KLRG1: variants seen among roughly 807,000 people sequenced by gnomAD.
KLRG1 encodes killer cell lectin-like receptor subfamily G member 1.
KLRG1 carries 16 observed loss-of-function variants against 21.8 expected under a neutral mutation model. The observed-to-expected ratio is 0.73, with a 90% CI of 0.50 to 1.11. The LOEUF (loss-of-function observed/expected upper bound fraction) is 1.11. Ranked by LOEUF, KLRG1 falls within the 50% of genes most tolerant of loss-of-function variation. The pLI is 0.00. For missense variants in KLRG1, 173 were observed against 218.3 expected, an observed-to-expected ratio of 0.79 and a Z score of 1.31; for synonymous variants, 69 against 75.9, an observed-to-expected ratio of 0.91 and a Z score of 0.47.
At chr12:9,176,327 A>G in the KLRG1 span, among the ~76,000 whole-genome samples, 1 of 152,168 alleles carries the variant, frequency 6.6e-6, no homozygotes, top group Non-Finnish European at 1.5e-5. Flanking sequence ...GAGAGCATCA[A>G]GAAGAATAAC....
chr12:9,008,572 CCAA>C (rs375025057), intron 3 of KLRG1, among the ~76,000 whole-genome samples: 4 of 151,580 alleles, frequency 2.6e-5, no homozygotes, highest in African/African-American at 9.8e-5. Flanking sequence ...GCTGGAAAAT[CCAA>C]CATCAAGGTT....
At chr12:9,092,698 T>C in the KLRG1 span, among the ~76,000 whole-genome samples, 2 of 152,310 alleles carry the variant, frequency 1.3e-5, no homozygotes, top group African/African-American at 4.8e-5. Flanking sequence ...TGGAAAACAG[T>C]ATGGAGATAC....
At chr12:9,044,331 A>G in the KLRG1 span, among the ~76,000 whole-genome samples, 2,137 of 152,312 alleles carry the variant, frequency 0.014, 18 homozygotes, top group Non-Finnish European at 0.02. Flanking sequence ...CAAAGAAGGA[A>G]AAGTTTAAAC....
chr12:9,076,888 T>C, the KLRG1 span: 1 of 1,611,078 alleles, frequency 6.2e-7, no homozygotes, highest in Non-Finnish European at 8.5e-7. Flanking sequence ...TCTTGTGCTG[T>C]CTTCCAGGCT....
chr12:9,200,304 A>G, the KLRG1 span: 1 of 1,194,168 alleles, frequency 8.4e-7, no homozygotes, highest in Non-Finnish European at 1.2e-6. Flanking sequence ...TTTTGTACCT[A>G]CATAATCCCT....
the KLRG1 span, among the ~76,000 whole-genome samples, chr12:9,033,309 G>A: frequency 6.6e-6 from 1 of 152,122 alleles, no homozygotes; most frequent in Non-Finnish European, 1.5e-5. Context: ...GCTGGGCAAG[G>A]TGGTTTATAT....
At position 8,969,442 on chromosome 12, in the gene KLRG1, A is replaced by T. The variant is rs146295898; in HGVS notation, c.-156+19206A>T. On this transcript the variant is annotated intron_variant, in intron 1 of 4. Coordinates refer to the KLRG1 transcript ENST00000539240. ...AGTGTCATGGATTTGAGGGCATTCC[A>T]GCTCTGAGGTTGCAGGCTTCTCCTT... 4.3e-4 allele frequency among the ~76,000 whole-genome samples: 66 copies of T among 152,200 alleles called. 1 individual carries two copies. Among genetic ancestry groups the T allele is most frequent in the Middle Eastern group, 3.4e-3 (1 of 294 alleles).
At chr12:9,053,645 C>T in the KLRG1 span, among the ~76,000 whole-genome samples, 4 of 152,282 alleles carry the variant, frequency 2.6e-5, no homozygotes, top group Admixed American at 2.6e-4. Flanking sequence ...CAGCTTGCAG[C>T]ACACTCAGCA....
chr12:9,202,334 G>T, the KLRG1 span: 14 of 1,613,816 alleles, frequency 8.7e-6, no homozygotes, highest in African/African-American at 1.7e-4. Flanking sequence ...CATTTCGAGG[G>T]CGAAAATTTT....
In KLRG1 at chr12:8,962,729, A is replaced by AG. The variant is rs1034339818; in HGVS notation, c.-156+12493_-156+12494insG. Among the ~76,000 whole-genome samples the AG allele has an allele frequency of 4.2e-4, 64 of 151,808 alleles. No individual in the cohort carries two copies. In the South Asian group the frequency reaches 5.0e-3, roughly 12 times the overall value. On this transcript the variant is annotated intron_variant, in intron 1 of 4. Transcript: ENST00000539240. Reference sequence around the variant, plus strand: ...AGACCCTGTTTCCCAAAAAAAAAAAAAAAGAAAGAAAGAAAAAAAGTAAAG... The same window carrying AG: ...AGACCCTGTTTCCCAAAAAAAAAAAAGAAAGAAAGAAAGAAAAAAAGTAAAG...
the KLRG1 span, among the ~76,000 whole-genome samples, chr12:9,144,165 AAG>A: frequency 2.2e-3 from 322 of 147,580 alleles, no homozygotes; most frequent in Non-Finnish European, 2.3e-3. Flanking sequence ...CCACATGAGG[AAG>A]AGAGAGAGAG....
the KLRG1 span, among the ~76,000 whole-genome samples, chr12:9,047,652 T>G: frequency 6.6e-6 from 1 of 152,102 alleles, no homozygotes; most frequent in East Asian, 1.9e-4. Context: ...TTATATGTAG[T>G]CTACAAAAAA....
chr12:9,098,779 C>T, the KLRG1 span: 1 of 1,609,240 alleles, frequency 6.2e-7, no homozygotes, highest in Non-Finnish European at 8.5e-7. Context: ...AACAAAAGGT[C>T]AGAAAAGCAA....
At chr12:9,027,604 A>G in the KLRG1 span, 1 of 883,276 alleles carries the variant, frequency 1.1e-6, no homozygotes, top group South Asian at 1.3e-5. Context: ...GGTTTGGCAA[A>G]GCATTGGCCT....
chr12:8,962,843 G>A (rs940527573), intron 1 of KLRG1, among the ~76,000 whole-genome samples: 9 of 152,078 alleles, frequency 5.9e-5, no homozygotes, highest in African/African-American at 9.7e-5. Flanking sequence ...GTGGTACTAC[G>A]TCAGTCAATC....
the KLRG1 span, among the ~76,000 whole-genome samples, chr12:9,124,712 C>T: frequency 6.6e-6 from 1 of 152,234 alleles, no homozygotes. Context: ...TGTCTGCTCC[C>T]ATTGCCTGGC....
At chr12:9,121,156 G>C in the KLRG1 span, among the ~76,000 whole-genome samples, 1 of 151,964 alleles carries the variant, frequency 6.6e-6, no homozygotes, top group African/African-American at 2.4e-5. The surrounding 1 kb of genome is among the most constrained non-coding windows in gnomAD (Gnocchi z 4.4). Flanking sequence ...AAAGTGTTAG[G>C]GTTACAGGCA....
chr12:9,188,201 G>A, the KLRG1 span, among the ~76,000 whole-genome samples: 73 of 152,184 alleles, frequency 4.8e-4, 2 homozygotes, highest in Non-Finnish European at 9.6e-4. Context: ...TCATCCCTGG[G>A]ATGCAAGGTT....
intron 3 of KLRG1, among the ~76,000 whole-genome samples, chr12:9,007,755 T>G (rs1040252451): frequency 9.8e-5 from 15 of 152,332 alleles, no homozygotes; most frequent in Non-Finnish European, 2.2e-4. Context: ...CAGTTGAAAT[T>G]GTATTGCTTT....
Sources: gnomAD v4.1 joint callset for allele counts (sites outside exome capture counted in the v4.1 genomes callset) on GRCh38, gnomAD v4.1.1 for gene constraint, Gnocchi (gnomAD v3.1) non-coding constraint, MANE v1.5 for transcripts, NCBI Gene and HGNC (gene_info 2026-07-23, HGNC 2026-07-21) for gene names.